Variants in KALRN observed in about 807,000 individuals in gnomAD.
KALRN encodes kalirin RhoGEF kinase.
In KALRN, 70 loss-of-function variants were observed where a neutral mutation model predicts 353.7. That is an observed-to-expected ratio of 0.20 (90% CI 0.16 to 0.24). The LOEUF (loss-of-function observed/expected upper bound fraction) is 0.24. KALRN is among the 10% of genes least tolerant of loss of function. KALRN has a pLI of 1.00. For synonymous variants in KALRN, 1,391 were observed against 1,434.8 expected, an observed-to-expected ratio of 0.97 and a Z score of 0.69; for missense variants, 2,791 against 3,756.7, an observed-to-expected ratio of 0.74 and a Z score of 6.72.
intron 21 of KALRN, 129 bp downstream of exon 21, chr3:124,447,014 T>C (rs2093862719): frequency 1.9e-6 from 2 of 1,042,144 alleles, no homozygotes; most frequent in Non-Finnish European, 2.8e-6. Flanking sequence ...GGGGGAAGCA[T>C]GTAAATGTCC....
chr3:124,453,426 T>C (rs2058994554), intron 21 of KALRN, among the ~76,000 whole-genome samples: 1 of 152,116 alleles, frequency 6.6e-6, no homozygotes, highest in Non-Finnish European at 1.5e-5. Context: ...CTCTCAACTC[T>C]CCTCTCTGAC....
At chr3:124,258,731 C>T (rs901492850) in intron 3 of KALRN, among the ~76,000 whole-genome samples, 2 of 152,200 alleles carry the variant, frequency 1.3e-5, no homozygotes, top group African/African-American at 4.8e-5. Flanking sequence ...CTTTTAACTT[C>T]CAGACCATAT....
intron 8 of KALRN, among the ~76,000 whole-genome samples, chr3:124,331,100 G>A (rs771212726): frequency 1.1e-4 from 16 of 152,144 alleles, no homozygotes; most frequent in Non-Finnish European, 2.1e-4. Flanking sequence ...TTTGAGCCTG[G>A]TTTCATCTGT....
At chr3:124,634,915 G>A (rs538537947) in intron 36 of KALRN, among the ~76,000 whole-genome samples, 12 of 152,268 alleles carry the variant, frequency 7.9e-5, no homozygotes, top group African/African-American at 2.9e-4. Context: ...CCTCCTGCGG[G>A]TGTGTCCTTT....
chr3:124,194,678 G>GT (rs2075259617), intron 1 of KALRN, among the ~76,000 whole-genome samples: 1 of 152,174 alleles, frequency 6.6e-6, no homozygotes, highest in African/African-American at 2.4e-5. Flanking sequence ...GGGGAAGTTA[G>GT]TATCTGAGTT....
Position 124,427,555 on chromosome 3 carries a change from A to G in KALRN, c.2710-3101A>G, listed in dbSNP as rs537174865. On this transcript the variant is annotated intron_variant, in intron 15 of 59. Transcript: ENST00000682506. ...CCTGCCCAGCTTAAATGGCATCACC[A>G]TTTGTGGATATCCACATCCACTTAA... 2.0e-5 allele frequency among the ~76,000 whole-genome samples: 3 copies of G among 152,310 alleles called. No individual in the cohort carries two copies. In the East Asian group the frequency reaches 5.8e-4, roughly 29 times the overall value.
intron 1 of KALRN, among the ~76,000 whole-genome samples, chr3:124,161,475 CT>C (rs1420821724): frequency 1.3e-5 from 2 of 152,330 alleles, no homozygotes; most frequent in South Asian, 4.1e-4. Flanking sequence ...CTACCCCTGC[CT>C]TCAAGGTTGT....
intron 45 of KALRN, 128 bp downstream of exon 45, chr3:124,662,056 A>T: frequency 1.3e-6 from 1 of 745,696 alleles, no homozygotes. Context: ...ATGCCTTCCT[A>T]CCCGGGCCCC....
intron 6 of KALRN, among the ~76,000 whole-genome samples, chr3:124,320,695 C>T (rs13067494): frequency 0.48 from 72,618 of 152,060 alleles, 18,653 homozygotes; most frequent in South Asian, 0.67. Flanking sequence ...ATTTCTCCAA[C>T]TTAAGGTATG....
chr3:124,719,498 T>C lies in KALRN; in HGVS notation c.*28T>C, dbSNP rs1442110178. ...ATCTCCCAGCCCCTATGGTTTCACA[T>C]AGACGTGCAGTGTGAACCAAAGCAA... On this transcript the variant is annotated 3_prime_UTR_variant, in exon 60 of 60. Coordinates refer to ENST00000682506, the MANE Select transcript of KALRN (RefSeq NM_001388419.1). The surrounding 1 kb of genome is among the most constrained non-coding windows in gnomAD (Gnocchi z 5.3). 3 of 1,592,010 alleles carry C rather than the reference T, an allele frequency of 1.9e-6. 1 individual carries two copies. The highest frequency in any genetic ancestry group is 2.6e-6 in the Non-Finnish European group (3 of 1,165,892).
chr3:124,599,017 C>T (rs2076539088), intron 34 of KALRN, among the ~76,000 whole-genome samples: 1 of 152,024 alleles, frequency 6.6e-6, no homozygotes, highest in South Asian at 2.1e-4. Context: ...GAACAAGATG[C>T]TCTGAGACTA....
chr3:124,719,502 C>T lies in KALRN; in HGVS notation c.*32C>T, dbSNP rs374936190. On this transcript the variant is annotated 3_prime_UTR_variant, in exon 60 of 60. Coordinates refer to ENST00000682506, the MANE Select transcript of KALRN (RefSeq NM_001388419.1). This position sits in a 1 kb window ranked among gnomAD's most constrained non-coding sequence, Gnocchi z 5.3. ...CCCAGCCCCTATGGTTTCACATAGA[C>T]GTGCAGTGTGAACCAAAGCAAGACT... 1.3e-4 allele frequency: 204 copies of T among 1,577,730 alleles called. No individual in the cohort carries two copies. The highest frequency in any genetic ancestry group is 1.6e-4 in the Non-Finnish European group (183 of 1,155,254).
chr3:124,221,618 C>T (rs553713455), intron 1 of KALRN, among the ~76,000 whole-genome samples: 1 of 152,128 alleles, frequency 6.6e-6, no homozygotes, highest in Non-Finnish European at 1.5e-5. Context: ...ATCAACAGAA[C>T]CAAGTAGCCA....
chr3:124,467,450 T>C (rs1205604516), intron 25 of KALRN, among the ~76,000 whole-genome samples: 2 of 151,994 alleles, frequency 1.3e-5, no homozygotes, highest in African/African-American at 2.4e-5. Context: ...ACAAAGAAAA[T>C]AGCCTCAGTT....
chr3:124,510,340 A>G (rs1001655166), intron 33 of KALRN, among the ~76,000 whole-genome samples: 1 of 152,136 alleles, frequency 6.6e-6, no homozygotes, highest in Non-Finnish European at 1.5e-5. Flanking sequence ...TAAGGGAGAA[A>G]GGAGAATATA....
intron 47 of KALRN, among the ~76,000 whole-genome samples, chr3:124,667,483 T>C (rs1021414169): frequency 9.2e-5 from 14 of 152,330 alleles, no homozygotes; most frequent in African/African-American, 2.6e-4. Context: ...AAGTCTGAGA[T>C]AGGCACATCC....
intron 10 of KALRN, among the ~76,000 whole-genome samples, chr3:124,355,161 T>C (rs1204171625): frequency 3.3e-5 from 5 of 152,346 alleles, no homozygotes; most frequent in South Asian, 2.1e-4. Context: ...GTTCAAAAAG[T>C]GTAGTTTGTG....
chr3:124,136,827 T>G (rs2065973906), intron 1 of KALRN, among the ~76,000 whole-genome samples: 1 of 152,214 alleles, frequency 6.6e-6, no homozygotes, highest in East Asian at 1.9e-4. Context: ...ACCAGAGTGT[T>G]TGTTACAAAG....
At chr3:124,455,410 G>T in intron 22 of KALRN, 51 bp downstream of exon 22, 1 of 1,537,312 alleles carries the variant, frequency 6.5e-7, no homozygotes, top group South Asian at 1.1e-5. Context: ...ATCTCCCTGA[G>T]CACCACTGCC....
Sources: allele counts gnomAD v4.1 joint callset (sites outside exome capture counted in the v4.1 genomes callset), GRCh38; gene constraint gnomAD v4.1.1; non-coding constraint Gnocchi (gnomAD v3.1); transcripts MANE v1.5; gene names NCBI Gene and HGNC (gene_info 2026-07-23, HGNC 2026-07-21).